Variants in EPHB2 observed in about 807,000 individuals in gnomAD.
EPHB2 encodes ephrin type-B receptor 2.
In EPHB2, 18 loss-of-function variants were observed where a neutral mutation model predicts 96.4. That is an observed-to-expected ratio of 0.19 (90% CI 0.13 to 0.28). The LOEUF (loss-of-function observed/expected upper bound fraction) is 0.28. Ranked by LOEUF, EPHB2 falls within the 10% of genes least tolerant of loss-of-function variation. The pLI is 1.00. For missense variants in EPHB2, 989 were observed against 1,355.4 expected (o/e 0.73, Z 4.25); for synonymous variants, 506 against 534.1 (o/e 0.95, Z 0.72).
intron 3 of EPHB2, among the ~76,000 whole-genome samples, chr1:22,806,626 C>T (rs1018646879): frequency 1.3e-5 from 2 of 152,170 alleles, no homozygotes; most frequent in African/African-American, 2.4e-5. Context: ...TGGCTCCTGC[C>T]GCCCCTATTC....
chr1:22,849,384 CCTT>C (rs903960664), intron 3 of EPHB2, among the ~76,000 whole-genome samples: 10 of 152,216 alleles, frequency 6.6e-5, no homozygotes, highest in African/African-American at 2.2e-4. Flanking sequence ...TTCTTTCCCT[CCTT>C]CTCTCACCCA....
At chr1:22,756,670 C>T (rs1362264269) in intron 1 of EPHB2, among the ~76,000 whole-genome samples, 1 of 152,094 alleles carries the variant, frequency 6.6e-6, no homozygotes, top group Non-Finnish European at 1.5e-5. Context: ...GCGCTGACCC[C>T]ATTTCCACCC....
intron 3 of EPHB2, among the ~76,000 whole-genome samples, chr1:22,804,541 G>C (rs1258793225): frequency 6.6e-6 from 1 of 152,086 alleles, no homozygotes; most frequent in Non-Finnish European, 1.5e-5. Flanking sequence ...CATTCTCACA[G>C]TCATGCAGAC....
chr1:22,910,700 T>C (rs1355058008), intron 14 of EPHB2, 125 bp downstream of exon 14: 2 of 1,251,546 alleles, frequency 1.6e-6, no homozygotes, highest in East Asian at 2.5e-5. Flanking sequence ...AGGACAGGAC[T>C]AGTGTTTATT....
intron 3 of EPHB2, among the ~76,000 whole-genome samples, chr1:22,794,968 C>G (rs1982227): frequency 0.79 from 120,952 of 152,242 alleles, 48,091 homozygotes; most frequent in Middle Eastern, 0.85. Flanking sequence ...TTCTAAGCCT[C>G]TGGTACAACA....
chr1:22,819,064 C>CCATGCTGT (rs1557693858), intron 3 of EPHB2, among the ~76,000 whole-genome samples: 1 of 152,100 alleles, frequency 6.6e-6, no homozygotes, highest in Non-Finnish European at 1.5e-5. Flanking sequence ...TCCCCCGGAG[C>CCATGCTGT]CATGCTGTGA....
intron 6 of EPHB2, among the ~76,000 whole-genome samples, chr1:22,890,116 C>G (rs938035696): frequency 1.3e-5 from 2 of 152,124 alleles, no homozygotes; most frequent in Admixed American, 6.5e-5. Context: ...CCTGTGGGCA[C>G]TGGAGAAGGA....
chr1:22,761,245 C>T (rs1357000762), intron 1 of EPHB2, among the ~76,000 whole-genome samples: 1 of 152,162 alleles, frequency 6.6e-6, no homozygotes, highest in East Asian at 1.9e-4. Flanking sequence ...AAATGATGTT[C>T]AAAGTGTGAC....
At position 22,858,196 on chromosome 1, in the gene EPHB2, G is replaced by A. The variant is rs571958425; in HGVS notation, c.812-4841G>A. Among the ~76,000 whole-genome samples, 30 of 151,718 alleles carry A rather than the reference G, an allele frequency of 2.0e-4. No individual in the cohort carries two copies. Among genetic ancestry groups the A allele is most frequent in the African/African-American group, 5.8e-4 (24 of 41,404 alleles). The stretch of plus-strand genomic sequence containing the variant: ...AAGGCCTGGAGGTGAGAGCGCATTC[G>A]ATGACCACAGGCAGGAGCGCAGTGA... On this transcript the variant is annotated intron_variant, in intron 3 of 15. Coordinates refer to ENST00000374630, the MANE Select transcript of EPHB2 (RefSeq NM_017449.5). This position sits in a 1 kb window ranked among gnomAD's most constrained non-coding sequence, Gnocchi z 7.7.
chr1:22,730,960 C>T (rs995865237), intron 1 of EPHB2, among the ~76,000 whole-genome samples: 5 of 151,910 alleles, frequency 3.3e-5, no homozygotes, highest in Non-Finnish European at 7.4e-5. Flanking sequence ...CTGGACCAAG[C>T]GGGCAGTGGT....
chr1:22,735,990 G>T (rs527778222), intron 1 of EPHB2, among the ~76,000 whole-genome samples: 1 of 152,154 alleles, frequency 6.6e-6, no homozygotes, highest in Non-Finnish European at 1.5e-5. Context: ...ACACCTACAC[G>T]CTCTGTGACT....
chr1:22,803,022 C>G (rs1644867759), intron 3 of EPHB2, among the ~76,000 whole-genome samples: 1 of 152,148 alleles, frequency 6.6e-6, no homozygotes, highest in Admixed American at 6.5e-5. Context: ...TGGGACCACC[C>G]TGAGCCTGGG....
chr1:22,880,774 T>A (rs551411166), intron 5 of EPHB2, among the ~76,000 whole-genome samples: 97 of 152,250 alleles, frequency 6.4e-4, no homozygotes, highest in African/African-American at 2.2e-3. Flanking sequence ...GAAGCGTGTG[T>A]AAAGGGCCCA....
In EPHB2 at chr1:22,912,306, G is replaced by A. The variant is rs1454028744; in HGVS notation, c.2697-138G>A. ...CCCGCAATCATGCAGAAATACTCAC[G>A]TACATACCCCTTCACCTGTGTTCAC... On this transcript the variant is annotated intron_variant, in intron 14 of 15. Coordinates refer to ENST00000374630, the MANE Select transcript of EPHB2 (RefSeq NM_017449.5). 1.5e-5 allele frequency: 19 copies of A among 1,247,754 alleles called. No homozygotes were observed. In the East Asian group the frequency reaches 1.7e-4, roughly 11 times the overall value. The allele number at this position is 1,247,754 out of a possible 1,614,324, so 77.3% of individuals were successfully genotyped here.
At chr1:22,765,050 G>T (rs926381209) in intron 1 of EPHB2, among the ~76,000 whole-genome samples, 54 of 152,178 alleles carry the variant, frequency 3.5e-4, no homozygotes, top group Non-Finnish European at 1.6e-4. Context: ...GCTGCTTGTG[G>T]GAGAGCAGAG....
chr1:22,811,587 A>G (rs1645002530), intron 3 of EPHB2, among the ~76,000 whole-genome samples: 2 of 152,212 alleles, frequency 1.3e-5, no homozygotes, highest in Non-Finnish European at 2.9e-5. Flanking sequence ...TCCCACTCCC[A>G]TCCAGGCCCC....
chr1:22,824,442 T>C (rs914869726), intron 3 of EPHB2, among the ~76,000 whole-genome samples: 1 of 152,174 alleles, frequency 6.6e-6, no homozygotes, highest in Non-Finnish European at 1.5e-5. Flanking sequence ...AGAGCTGTTG[T>C]GTATTGGGCC....
chr1:22,756,941 G>A (rs1644161124), intron 1 of EPHB2, among the ~76,000 whole-genome samples: 2 of 152,180 alleles, frequency 1.3e-5, no homozygotes, highest in Admixed American at 1.3e-4. Flanking sequence ...ATATGCATCT[G>A]TGCCTCTATA....
At chr1:22,777,179 CAAG>C (rs1644464578) in intron 1 of EPHB2, among the ~76,000 whole-genome samples, 1 of 152,178 alleles carries the variant, frequency 6.6e-6, no homozygotes, top group South Asian at 2.1e-4. Flanking sequence ...GTGTGAGGTA[CAAG>C]GGTGAGAAAA....
Sources: gnomAD v4.1 joint callset for allele counts (sites outside exome capture counted in the v4.1 genomes callset) on GRCh38, gnomAD v4.1.1 for gene constraint, Gnocchi (gnomAD v3.1) non-coding constraint, MANE v1.5 for transcripts, NCBI Gene and HGNC (gene_info 2026-07-23, HGNC 2026-07-21) for gene names.